The following ENPP3 variants were observed in gnomAD, a reference collection of about 807,000 sequenced individuals.
ENPP3 encodes ectonucleotide pyrophosphatase/phosphodiesterase 3.
ENPP3 carries 104 observed loss-of-function variants against 117.8 expected under a neutral mutation model. The observed-to-expected ratio is 0.88, with a 90% CI of 0.75 to 1.04. The LOEUF (loss-of-function observed/expected upper bound fraction) is 1.04, where lower values mean the gene tolerates loss of function less well. ENPP3 is among the 50% of genes least tolerant of loss of function. The pLI, the probability that ENPP3 is intolerant of heterozygous loss-of-function variation, is 0.00. For synonymous variants in ENPP3, 380 were observed against 349.9 expected, an observed-to-expected ratio of 1.09 and a Z score of -0.96; for missense variants, 1,026 against 1,051.9, an observed-to-expected ratio of 0.98 and a Z score of 0.34.
At chr6:131,673,069 T>C (rs1195804009) in intron 7 of ENPP3, among the ~76,000 whole-genome samples, 1 of 152,178 alleles carries the variant, frequency 6.6e-6, no homozygotes, top group African/African-American at 2.4e-5. Context: ...TATTCTAATA[T>C]GGGAAACTTT....
intron 15 of ENPP3, among the ~76,000 whole-genome samples, chr6:131,717,492 C>T (rs567702767): frequency 2.3e-4 from 35 of 151,256 alleles, no homozygotes; most frequent in South Asian, 1.0e-3. Flanking sequence ...GTCCTTTGTT[C>T]CCTTCAGAGA....
At chr6:131,680,374 G>A (rs2114409424) in intron 11 of ENPP3, among the ~76,000 whole-genome samples, 1 of 152,308 alleles carries the variant, frequency 6.6e-6, no homozygotes, top group Admixed American at 6.5e-5. Flanking sequence ...AGCAGGGTAA[G>A]TTTGGGGAGA....
Position 131,679,979 on chromosome 6 carries a change from C to A in ENPP3, c.1011+2039C>A, listed in dbSNP as rs1778988409. ...CCCAGAGAAGGAGTCAGGCACCAAT[C>A]CTGCAGGGCCTTGCAGGTCCTTGCA... On this transcript the variant is annotated intron_variant, in intron 11 of 24. Transcript: ENST00000357639. Among the ~76,000 whole-genome samples the A allele has an allele frequency of 2.6e-5, 4 of 152,142 alleles. No individual in the cohort carries two copies. In the South Asian group the frequency reaches 8.3e-4, roughly 32 times the overall value.
At chr6:131,706,629 T>C (rs1261604651) in intron 15 of ENPP3, among the ~76,000 whole-genome samples, 3 of 150,380 alleles carry the variant, frequency 2.0e-5, no homozygotes, top group African/African-American at 7.5e-5. Context: ...TCCTGCTTTA[T>C]AGAGAGCTTT....
intron 6 of ENPP3, among the ~76,000 whole-genome samples, chr6:131,669,942 C>T (rs550277805): frequency 7.9e-5 from 12 of 152,240 alleles, no homozygotes; most frequent in South Asian, 6.2e-4. Context: ...GAATTGATAA[C>T]GGTGAAGCTT....
At chr6:131,739,874 C>T (rs190251609) in intron 23 of ENPP3, among the ~76,000 whole-genome samples, 1 of 149,824 alleles carries the variant, frequency 6.7e-6, no homozygotes, top group East Asian at 2.0e-4. Flanking sequence ...AGTTTAAGAC[C>T]AGCTTGGGCA....
At chr6:131,657,058 CTT>C (rs978618878) in intron 5 of ENPP3, among the ~76,000 whole-genome samples, 15 of 152,146 alleles carry the variant, frequency 9.9e-5, no homozygotes, top group African/African-American at 3.4e-4. Context: ...ATGTTAATGA[CTT>C]TATGAAAAAA....
At chr6:131,701,969 G>A (rs1392759682) in intron 15 of ENPP3, among the ~76,000 whole-genome samples, 1 of 150,612 alleles carries the variant, frequency 6.6e-6, no homozygotes, top group Non-Finnish European at 1.5e-5. Context: ...TTTTAATAAA[G>A]GCTAAAATTT....
intron 15 of ENPP3, among the ~76,000 whole-genome samples, chr6:131,706,583 A>G (rs1585694620): frequency 6.6e-6 from 1 of 151,416 alleles, no homozygotes; most frequent in East Asian, 1.9e-4. Context: ...AGCTTTTTGT[A>G]GATGCTTTTT....
At chr6:131,685,964 G>T in intron 14 of ENPP3, 57 bp downstream of exon 14, 1 of 554,156 alleles carries the variant, frequency 1.8e-6, no homozygotes, top group South Asian at 2.3e-5. Context: ...ACCTTAATCT[G>T]GGTTTTTGAG....
chr6:131,668,356 A>G (rs751740397), intron 6 of ENPP3, among the ~76,000 whole-genome samples: 3 of 151,514 alleles, frequency 2.0e-5, no homozygotes, highest in Non-Finnish European at 4.4e-5. Context: ...CTGGGATTAC[A>G]GGCACGCGCC....
intron 15 of ENPP3, among the ~76,000 whole-genome samples, chr6:131,702,999 T>TA (rs1779572417): frequency 6.6e-6 from 1 of 151,782 alleles, no homozygotes; most frequent in Admixed American, 6.6e-5. Flanking sequence ...TTTGAGCTCC[T>TA]AATCATTGCT....
Position 131,733,700 on chromosome 6 carries a change from C to A in ENPP3, c.2066C>A (p.Thr689Asn), listed in dbSNP as rs1780335745. 6.2e-7 allele frequency: 1 copy of A among 1,614,052 alleles called. No homozygotes were observed. The highest frequency in any genetic ancestry group is 2.2e-5 in the East Asian group (1 of 44,872). The change falls in exon 21 of 25, where the codon ACC becomes AAC. Residue 689 changes from threonine to asparagine, a missense_variant. Transcript: ENST00000357639. ...CSFYLADKNI[T>N]HGFLYPPASN... Reference sequence around the variant, plus strand: ...TTCTATTTAGCAGACAAGAATATCACCCACGGCTTCCTCTATCCTCCTGGT... The same window carrying A: ...TTCTATTTAGCAGACAAGAATATCAACCACGGCTTCCTCTATCCTCCTGGT...
chr6:131,739,181 C>T (rs1432037570), intron 23 of ENPP3, among the ~76,000 whole-genome samples: 1 of 152,158 alleles, frequency 6.6e-6, no homozygotes, highest in Non-Finnish European at 1.5e-5. Context: ...GAATATGAAC[C>T]CAGACAGCCT....
intron 6 of ENPP3, among the ~76,000 whole-genome samples, chr6:131,667,356 C>T (rs1425988963): frequency 1.3e-5 from 2 of 152,152 alleles, no homozygotes; most frequent in Admixed American, 6.5e-5. Flanking sequence ...TAGTGCAACT[C>T]TTCCTCCCCT....
chr6:131,644,909 G>C (rs1778123835), intron 2 of ENPP3, among the ~76,000 whole-genome samples: 2 of 152,198 alleles, frequency 1.3e-5, no homozygotes, highest in Admixed American at 6.5e-5. Flanking sequence ...ACCAAGTGCA[G>C]AAAGGTTTTA....
intron 24 of ENPP3, among the ~76,000 whole-genome samples, chr6:131,743,680 C>T (rs563847436): frequency 6.6e-6 from 1 of 151,984 alleles, no homozygotes; most frequent in South Asian, 2.1e-4. Flanking sequence ...CAAAAATTAG[C>T]CAGGTGTGAT....
At position 131,666,071 on chromosome 6, in the gene ENPP3, T is replaced by C. The variant is rs60859962; in HGVS notation, c.563-5177T>C. ...ATTCCATTGTAGTTGGAGAAAATAC[T>C]TGGTATGATCCCAATTTTTTAAATA... On this transcript the variant is annotated intron_variant, in intron 6 of 24. Transcript: ENST00000357639. Among the ~76,000 whole-genome samples the C allele has an allele frequency of 5.5e-3, 836 of 152,310 alleles. 5 individuals are homozygous for C. Among genetic ancestry groups the C allele is most frequent in the African/African-American group, 0.019 (798 of 41,584 alleles).
chr6:131,665,192 G>C (rs12207688), intron 6 of ENPP3, among the ~76,000 whole-genome samples: 12,358 of 152,106 alleles, frequency 0.081, 864 homozygotes, highest in East Asian at 0.33. Flanking sequence ...TTTTCATCAG[G>C]AATATTAACC....
Sources: allele counts gnomAD v4.1 joint callset (sites outside exome capture counted in the v4.1 genomes callset), GRCh38; gene constraint gnomAD v4.1.1; transcripts MANE v1.5; gene names NCBI Gene and HGNC (gene_info 2026-07-23, HGNC 2026-07-21).